OTUD7A: variants seen among roughly 807,000 people sequenced by gnomAD.
OTUD7A encodes OTU deubiquitinase 7A.
OTUD7A carries 12 observed loss-of-function variants against 65.7 expected under a neutral mutation model. That is an observed-to-expected ratio of 0.18 (90% CI 0.12 to 0.30). The LOEUF (loss-of-function observed/expected upper bound fraction) is 0.30, where lower values mean the gene tolerates loss of function less well. Among genes scored for constraint, OTUD7A ranks in the 10% least tolerant of loss-of-function variants. The pLI is 1.00. For synonymous variants in OTUD7A, 641 were observed against 586.3 expected (o/e 1.09, Z -1.35); for missense variants, 1,148 against 1,304.8 (o/e 0.88, Z 1.85).
intron 10 of OTUD7A, among the ~76,000 whole-genome samples, chr15:31,488,356 T>C (rs1420524428): frequency 2.6e-5 from 4 of 152,148 alleles, no homozygotes; most frequent in East Asian, 1.9e-4. Flanking sequence ...CCAGAAGGGC[T>C]AGGGTGGAGG....
At chr15:31,703,628 C>A (rs1265210544) in intron 1 of OTUD7A, among the ~76,000 whole-genome samples, 2 of 152,100 alleles carry the variant, frequency 1.3e-5, no homozygotes, top group Non-Finnish European at 2.9e-5. Context: ...TTTGTGGGAA[C>A]GAAAATGACA....
chr15:31,866,028 A>G (rs1897866582), intron 1 of OTUD7A, among the ~76,000 whole-genome samples: 1 of 152,240 alleles, frequency 6.6e-6, no homozygotes, highest in Admixed American at 6.5e-5. Flanking sequence ...AACGCAAAAT[A>G]CTTCAATCCT....
intron 1 of OTUD7A, among the ~76,000 whole-genome samples, chr15:31,680,279 G>A (rs766963864): frequency 4.1e-4 from 63 of 152,042 alleles, no homozygotes; most frequent in Non-Finnish European, 7.9e-4. Flanking sequence ...AATTGTAACT[G>A]TACAATTCTG....
intron 1 of OTUD7A, among the ~76,000 whole-genome samples, chr15:31,757,005 C>T (rs1351892063): frequency 2.6e-5 from 4 of 152,188 alleles, no homozygotes; most frequent in Non-Finnish European, 5.9e-5. Context: ...CTCCTCGGAG[C>T]CACTGGAATG....
intron 1 of OTUD7A, among the ~76,000 whole-genome samples, chr15:31,738,068 C>T (rs116252837): frequency 4.9e-4 from 75 of 152,268 alleles, no homozygotes; most frequent in African/African-American, 1.7e-3. Context: ...AAAAATGTCA[C>T]TATTTTTGCG....
intron 3 of OTUD7A, among the ~76,000 whole-genome samples, chr15:31,604,060 G>C (rs1487199049): frequency 6.6e-6 from 1 of 152,178 alleles, no homozygotes; most frequent in East Asian, 1.9e-4. Flanking sequence ...TCTATAACTA[G>C]AAATACCATT....
At chr15:31,528,614 T>C (rs2042046442) in intron 6 of OTUD7A, among the ~76,000 whole-genome samples, 1 of 152,244 alleles carries the variant, frequency 6.6e-6, no homozygotes, top group Admixed American at 6.5e-5. Flanking sequence ...TCCTCGCTCA[T>C]CCTCAGACCT....
At chr15:31,640,128 C>T (rs978638822) in intron 3 of OTUD7A, among the ~76,000 whole-genome samples, 13 of 152,208 alleles carry the variant, frequency 8.5e-5, no homozygotes, top group African/African-American at 2.4e-4. Flanking sequence ...GGCATTTGAG[C>T]GACCTGGATG....
Position 31,559,088 on chromosome 15 carries a change from AG to A in OTUD7A, c.430del (p.Leu144TrpfsTer13), listed in dbSNP as rs1888595410. On this transcript the variant is annotated frameshift_variant, in exon 5 of 13. Transcript: ENST00000307050. LOFTEE classifies it high-confidence loss of function. ...CTGGAATGTGTAGATTGGCATCTCC[AG>A]GGGGAACTGCTCGTTGTTGCATTCA... ...ASECNNEQFP[L>X]EMPIYTFQLP... 1 of 1,613,342 alleles carries A rather than the reference AG, an allele frequency of 6.2e-7. No homozygotes were observed. Among genetic ancestry groups the A allele is most frequent in the Non-Finnish European group, 8.5e-7 (1 of 1,179,758 alleles).
chr15:31,735,018 T>A lies in OTUD7A; in HGVS notation c.-99-77941A>T, dbSNP rs186794571. Among the ~76,000 whole-genome samples, 369 of 150,340 alleles carry A rather than the reference T, an allele frequency of 2.5e-3. 2 individuals carry two copies. Among genetic ancestry groups the A allele is most frequent in the Admixed American group, 5.3e-3 (80 of 15,004 alleles). ...CTGTGCATCTAACAAAGGTGTAATA[T>A]CCAGTATCTATAAGGAACTCAAACA... On this transcript the variant is annotated intron_variant, in intron 1 of 12. Coordinates refer to ENST00000307050, the MANE Select transcript of OTUD7A (RefSeq NM_001382637.1).
chr15:31,866,268 G>T (rs1897873222), intron 1 of OTUD7A, among the ~76,000 whole-genome samples: 1 of 152,198 alleles, frequency 6.6e-6, no homozygotes, highest in Non-Finnish European at 1.5e-5. Flanking sequence ...GAGCACGACA[G>T]GCCAGACCTT....
At chr15:31,827,411 C>G (rs1440185771) in intron 1 of OTUD7A, among the ~76,000 whole-genome samples, 1 of 152,164 alleles carries the variant, frequency 6.6e-6, no homozygotes, top group Non-Finnish European at 1.5e-5. Flanking sequence ...GGGAAACCAC[C>G]CCATGATTCA....
At chr15:31,783,301 T>C (rs1471316688) in intron 1 of OTUD7A, among the ~76,000 whole-genome samples, 1 of 152,192 alleles carries the variant, frequency 6.6e-6, no homozygotes, top group Non-Finnish European at 1.5e-5. Context: ...GTCTAGGGGC[T>C]TACCTTTTAA....
chr15:31,510,069 G>A (rs899395837), intron 8 of OTUD7A, among the ~76,000 whole-genome samples: 5 of 147,026 alleles, frequency 3.4e-5, no homozygotes, highest in African/African-American at 1.0e-4. Flanking sequence ...ATGCGCTGCC[G>A]TCTGTTTCCC....
chr15:31,713,239 T>C (rs1893494680), intron 1 of OTUD7A, among the ~76,000 whole-genome samples: 1 of 152,112 alleles, frequency 6.6e-6, no homozygotes, highest in African/African-American at 2.4e-5. Flanking sequence ...AAACAATAAA[T>C]CCTCTAGAAA....
At chr15:31,668,664 T>C (rs1431089987) in intron 1 of OTUD7A, among the ~76,000 whole-genome samples, 1 of 152,216 alleles carries the variant, frequency 6.6e-6, no homozygotes, top group African/African-American at 2.4e-5. Context: ...CAGAGATTTC[T>C]TCTTGGTTTG....
At chr15:31,849,844 C>T (rs1032806127) in intron 1 of OTUD7A, among the ~76,000 whole-genome samples, 1 of 152,188 alleles carries the variant, frequency 6.6e-6, no homozygotes, top group Non-Finnish European at 1.5e-5. Context: ...ATCAAAACCA[C>T]AATGAGATAC....
intron 1 of OTUD7A, among the ~76,000 whole-genome samples, chr15:31,699,361 GA>G (rs1893160447): frequency 2.0e-5 from 3 of 152,154 alleles, no homozygotes; most frequent in African/African-American, 7.2e-5. Flanking sequence ...TTACTGGCGT[GA>G]GCCATCACGC....
In OTUD7A at chr15:31,548,454, A is replaced by C. The variant is rs74396024; in HGVS notation, c.550+10515T>G. 1.7e-3 allele frequency among the ~76,000 whole-genome samples: 252 copies of C among 152,200 alleles called. 1 individual carries two copies. Among genetic ancestry groups the C allele is most frequent in the African/African-American group, 5.7e-3 (236 of 41,508 alleles). ...GGCAGAAAGTATCCTGAGGGAAAGG[A>C]TGACAGTTCCCAACGCTCTGAGCTG... On this transcript the variant is annotated intron_variant, in intron 5 of 12. Transcript: ENST00000307050.
Sources: allele counts gnomAD v4.1 joint callset (sites outside exome capture counted in the v4.1 genomes callset), GRCh38; gene constraint gnomAD v4.1.1; transcripts MANE v1.5; gene names NCBI Gene and HGNC (gene_info 2026-07-23, HGNC 2026-07-21).